DOCK9: variants seen among roughly 807,000 people sequenced by gnomAD.
DOCK9 encodes the protein dedicator of cytokinesis 9, also known as dedicator of cytokinesis protein 9.
DOCK9 carries 89 observed loss-of-function variants against 263.3 expected under a neutral mutation model. The observed-to-expected ratio is 0.34, with a 90% CI of 0.28 to 0.40. The LOEUF is 0.40. Among genes scored for constraint, DOCK9 ranks in the 10% least tolerant of loss-of-function variants. The probability of loss-of-function intolerance (pLI) is 1.00; values close to 1 mark genes in which losing one functional copy is unlikely to be tolerated. For missense variants in DOCK9, 2,140 were observed against 2,603.4 expected (o/e 0.82, Z 3.87); for synonymous variants, 976 against 973.1 (o/e 1.00, Z -0.06).
At chr13:99,081,274 AC>A (rs948799404) in intron 1 of DOCK9, among the ~76,000 whole-genome samples, 1 of 152,188 alleles carries the variant, frequency 6.6e-6, no homozygotes, top group African/African-American at 2.4e-5. Context: ...CTCCGACAGC[AC>A]TGGAATCTTG....
In DOCK9 at chr13:98,880,751, G is replaced by T. The variant is rs1455340238; in HGVS notation, c.2746-79C>A. 5.9e-6 allele frequency: 9 copies of T among 1,534,832 alleles called. No homozygotes were observed. In the Admixed American group the frequency reaches 1.3e-4, roughly 23 times the overall value. ...AAAGCTTGAGAGACTCCCAAGAATG[G>T]AGATCAGGGACTGAGCTACAATATC... On this transcript the variant is annotated intron_variant, in intron 25 of 52. Transcript: ENST00000682017.
At chr13:98,806,728 G>A (rs1362562017) in intron 48 of DOCK9, among the ~76,000 whole-genome samples, 1 of 151,618 alleles carries the variant, frequency 6.6e-6, no homozygotes, top group African/African-American at 2.4e-5. Flanking sequence ...GGCCAACATG[G>A]TGAAACCCTG....
intron 18 of DOCK9, among the ~76,000 whole-genome samples, chr13:98,886,998 A>G (rs1331864059): frequency 6.6e-6 from 1 of 151,872 alleles, no homozygotes; most frequent in African/African-American, 2.4e-5. Flanking sequence ...GTGTCCCCTC[A>G]GCATTTTTCT....
intron 2 of DOCK9, among the ~76,000 whole-genome samples, chr13:98,942,067 C>T (rs1434417006): frequency 2.0e-5 from 3 of 152,170 alleles, no homozygotes; most frequent in Admixed American, 6.5e-5. Flanking sequence ...TGTGGACATA[C>T]GACTAAATCT....
chr13:99,070,119 T>C (rs55687596), intron 1 of DOCK9, among the ~76,000 whole-genome samples: 4,212 of 152,074 alleles, frequency 0.028, 94 homozygotes, highest in South Asian at 0.063. Flanking sequence ...CTCTTAACTG[T>C]TGACAATATT....
At chr13:98,809,506 G>T (rs767513868) in intron 46 of DOCK9, 41 bp from the exon 47 acceptor site, 4 of 1,485,024 alleles carry the variant, frequency 2.7e-6, no homozygotes, top group Non-Finnish European at 3.6e-6. Flanking sequence ...CATGTGCAAA[G>T]AGGAGAATCG....
At chr13:98,898,802 A>G (rs1279049954) in intron 13 of DOCK9, among the ~76,000 whole-genome samples, 1 of 152,148 alleles carries the variant, frequency 6.6e-6, no homozygotes, top group African/African-American at 2.4e-5. Flanking sequence ...TCTAAACATG[A>G]ATTACTGCTA....
At chr13:98,946,297 C>G (rs1291343461) in intron 2 of DOCK9, among the ~76,000 whole-genome samples, 1 of 152,142 alleles carries the variant, frequency 6.6e-6, no homozygotes, top group Non-Finnish European at 1.5e-5. Flanking sequence ...AGAGGAGTCT[C>G]TCGCATTAAT....
At chr13:98,917,890 G>A (rs1430662803) in intron 7 of DOCK9, among the ~76,000 whole-genome samples, 1 of 152,126 alleles carries the variant, frequency 6.6e-6, no homozygotes, top group African/African-American at 2.4e-5. Context: ...CTGCAGGTGG[G>A]CAGGAGATGC....
chr13:98,842,739 A>C (rs1014802711), intron 38 of DOCK9, among the ~76,000 whole-genome samples: 2 of 152,188 alleles, frequency 1.3e-5, no homozygotes, highest in Non-Finnish European at 2.9e-5. Flanking sequence ...ATTTGACACA[A>C]ATCTCTTCCA....
chr13:99,082,826 A>C (rs1042903329), intron 1 of DOCK9, among the ~76,000 whole-genome samples: 1 of 152,210 alleles, frequency 6.6e-6, no homozygotes, highest in Non-Finnish European at 1.5e-5. Flanking sequence ...ACTGAGCCCC[A>C]ACAAGGTTAA....
intron 1 of DOCK9, among the ~76,000 whole-genome samples, chr13:98,989,936 C>A (rs1398104374): frequency 6.6e-6 from 1 of 152,210 alleles, no homozygotes; most frequent in Non-Finnish European, 1.5e-5. Flanking sequence ...CAGAGCAGTA[C>A]AATATTCACA....
At chr13:98,946,661 C>T (rs1471510197) in intron 2 of DOCK9, among the ~76,000 whole-genome samples, 1 of 152,208 alleles carries the variant, frequency 6.6e-6, no homozygotes. Context: ...CTGGGTTTCA[C>T]CCTTCTCAGC....
intron 38 of DOCK9, among the ~76,000 whole-genome samples, chr13:98,839,147 G>T (rs1313392771): frequency 1.3e-5 from 2 of 152,202 alleles, no homozygotes; most frequent in African/African-American, 4.8e-5. Context: ...GTGGTGCTGA[G>T]ATCCTGTTGT....
At chr13:98,923,440 T>A in intron 4 of DOCK9, 69 bp from the exon 5 acceptor site, 1 of 1,307,594 alleles carries the variant, frequency 7.6e-7, no homozygotes, top group Non-Finnish European at 1.1e-6. Context: ...CATTTCTTCC[T>A]CCATCATAGG....
chr13:99,004,181 G>A (rs939960830), intron 1 of DOCK9, among the ~76,000 whole-genome samples: 2 of 152,106 alleles, frequency 1.3e-5, no homozygotes, highest in Non-Finnish European at 2.9e-5. Flanking sequence ...CCCCATCATG[G>A]CCCATATCCC....
chr13:98,897,666 C>A lies in DOCK9; in HGVS notation c.1587-56G>T. ...GGTTTCCAAAACACCAAAATCAATT[C>A]ATTATTTAAGTCTAGTTTCTATGAG... On this transcript the variant is annotated intron_variant, in intron 14 of 52. Coordinates refer to ENST00000682017, the MANE Select transcript of DOCK9 (RefSeq NM_001366683.2). 5 of 1,596,932 alleles carry A rather than the reference C, an allele frequency of 3.1e-6. No individual in the cohort carries two copies. The South Asian group carries it at 5.7e-5, about 18-fold the overall frequency.
At chr13:98,824,217 G>A (rs1223153183) in intron 45 of DOCK9, among the ~76,000 whole-genome samples, 181 bp downstream of exon 45, 1 of 152,224 alleles carries the variant, frequency 6.6e-6, no homozygotes, top group Non-Finnish European at 1.5e-5. Context: ...CCTAGAAGGG[G>A]AGAACGGCAG....
intron 1 of DOCK9, among the ~76,000 whole-genome samples, chr13:99,050,497 G>T (rs2040638390): frequency 6.6e-6 from 1 of 152,104 alleles, no homozygotes; most frequent in Admixed American, 6.5e-5. Flanking sequence ...TTCAAGACCA[G>T]CCTGGCCAAC....
Sources: allele counts gnomAD v4.1 joint callset (sites outside exome capture counted in the v4.1 genomes callset), GRCh38; gene constraint gnomAD v4.1.1; transcripts MANE v1.5; gene names NCBI Gene and HGNC (gene_info 2026-07-23, HGNC 2026-07-21).